The following TAF1B variants were observed in gnomAD, a reference collection of about 807,000 sequenced individuals.
TAF1B encodes TATA box-binding protein-associated factor RNA polymerase I subunit B.
TAF1B carries 61 observed loss-of-function variants against 83.9 expected under a neutral mutation model. The ratio of observed to expected loss-of-function variants is 0.73; its 90% CI spans 0.59 to 0.90. TAF1B has a LOEUF of 0.90. Ranked by LOEUF, TAF1B falls within the 40% of genes least tolerant of loss-of-function variation. The pLI is 0.00. For missense variants in TAF1B, 625 were observed against 677.0 expected (o/e 0.92, Z 0.85); for synonymous variants, 221 against 224.6 (o/e 0.98, Z 0.14).
At chr2:9,922,562 A>G (rs923443718) in intron 14 of TAF1B, among the ~76,000 whole-genome samples, 2 of 151,624 alleles carry the variant, frequency 1.3e-5, no homozygotes, top group African/African-American at 2.4e-5. Context: ...CATTCCCCCA[A>G]CACCCCTCAT....
intron 14 of TAF1B, among the ~76,000 whole-genome samples, chr2:9,925,835 A>G (rs538486005): frequency 6.6e-6 from 1 of 152,244 alleles, no homozygotes; most frequent in Non-Finnish European, 1.5e-5. Context: ...TCGGCCTCCC[A>G]AAGTGTTGGG....
chr2:9,888,038 T>C (rs1486696128), intron 8 of TAF1B, among the ~76,000 whole-genome samples: 3 of 152,252 alleles, frequency 2.0e-5, no homozygotes, highest in South Asian at 2.1e-4. Flanking sequence ...AAATTTTTTT[T>C]AGAGACGTGG....
chr2:9,846,427 A>G (rs1351421684), intron 2 of TAF1B, among the ~76,000 whole-genome samples: 3 of 152,190 alleles, frequency 2.0e-5, no homozygotes, highest in African/African-American at 4.8e-5. Flanking sequence ...GATTTCCTCA[A>G]AGTCTACAGA....
At chr2:9,933,286 T>C (rs1034290886) in intron 14 of TAF1B, among the ~76,000 whole-genome samples, 30 of 152,354 alleles carry the variant, frequency 2.0e-4, no homozygotes, top group African/African-American at 7.2e-4. Flanking sequence ...AGCCATCTTG[T>C]AACGGAAGGC....
chr2:9,846,860 G>A (rs182143601), intron 2 of TAF1B, among the ~76,000 whole-genome samples: 3 of 152,316 alleles, frequency 2.0e-5, no homozygotes, highest in Admixed American at 2.0e-4. Flanking sequence ...GTCTGTGTGT[G>A]TCAGATTGTG....
intron 6 of TAF1B, among the ~76,000 whole-genome samples, chr2:9,870,040 A>G (rs1664117212): frequency 1.3e-5 from 2 of 152,146 alleles, no homozygotes; most frequent in Non-Finnish European, 1.5e-5. Flanking sequence ...GAAAGAATTT[A>G]TTTTGTTTTT....
At chr2:9,903,336 C>T (rs566115049) in intron 8 of TAF1B, among the ~76,000 whole-genome samples, 7 of 152,260 alleles carry the variant, frequency 4.6e-5, no homozygotes, top group African/African-American at 9.6e-5. Flanking sequence ...CCGCCCGGCT[C>T]GGCCTCCCAA....
At chr2:9,883,169 G>A (rs566587872) in intron 8 of TAF1B, among the ~76,000 whole-genome samples, 1 of 152,254 alleles carries the variant, frequency 6.6e-6, no homozygotes, top group East Asian at 1.9e-4. Flanking sequence ...ATGGAAGAAA[G>A]AGAAGAAAGT....
chr2:9,906,960 C>G (rs1294135842), intron 9 of TAF1B, among the ~76,000 whole-genome samples: 1 of 152,176 alleles, frequency 6.6e-6, no homozygotes, highest in Non-Finnish European at 1.5e-5. Flanking sequence ...TTATTACAAC[C>G]TTGAACTCCT....
intron 12 of TAF1B, among the ~76,000 whole-genome samples, chr2:9,915,753 T>C (rs1160043129): frequency 6.6e-6 from 1 of 152,226 alleles, no homozygotes; most frequent in Non-Finnish European, 1.5e-5. Flanking sequence ...TTTACCCTAA[T>C]GAAATGAAAA....
At chr2:9,889,945 C>G (rs1258934337) in intron 8 of TAF1B, among the ~76,000 whole-genome samples, 1 of 152,124 alleles carries the variant, frequency 6.6e-6, no homozygotes, top group African/African-American at 2.4e-5. Context: ...ATTTTTTTCC[C>G]TGGCCTCAGA....
chr2:9,901,015 T>C (rs889656432), intron 8 of TAF1B, among the ~76,000 whole-genome samples: 8 of 152,222 alleles, frequency 5.3e-5, no homozygotes, highest in African/African-American at 1.7e-4. Flanking sequence ...TCTTTTAGTA[T>C]AGAATTTTAT....
Position 9,865,048 on chromosome 2 carries a change from C to T in TAF1B, c.400-3228C>T, listed in dbSNP as rs549527565. ...CTGGCACAAGACAGGGATGCCCTCT[C>T]TCACCACTCCTATTGAACATAGTGT... On this transcript the variant is annotated intron_variant, in intron 5 of 14. Coordinates refer to ENST00000263663, the MANE Select transcript of TAF1B (RefSeq NM_005680.3). 6.0e-3 allele frequency among the ~76,000 whole-genome samples: 908 copies of T among 152,276 alleles called. 3 individuals carry two copies. The highest frequency in any genetic ancestry group is 0.01 in the Middle Eastern group (3 of 294).
intron 8 of TAF1B, among the ~76,000 whole-genome samples, chr2:9,895,250 A>C (rs1055513918): frequency 1.4e-4 from 22 of 152,276 alleles, no homozygotes; most frequent in Admixed American, 1.3e-3. Flanking sequence ...CTGTAATCCC[A>C]GCACTTTGGG....
At chr2:9,860,260 C>G (rs1307934321) in intron 5 of TAF1B, among the ~76,000 whole-genome samples, 1 of 152,100 alleles carries the variant, frequency 6.6e-6, no homozygotes, top group Non-Finnish European at 1.5e-5. Context: ...TTCAAGCATG[C>G]AGTTAGATGT....
intron 8 of TAF1B, among the ~76,000 whole-genome samples, chr2:9,891,915 G>A (rs1664884931): frequency 1.3e-5 from 2 of 152,154 alleles, no homozygotes; most frequent in South Asian, 4.1e-4. Flanking sequence ...AAAAGATGCA[G>A]TAAGCTAAGG....
At chr2:9,856,835 T>G (rs1663581091) in intron 5 of TAF1B, among the ~76,000 whole-genome samples, 1 of 152,240 alleles carries the variant, frequency 6.6e-6, no homozygotes, top group African/African-American at 2.4e-5. Flanking sequence ...AGGTAATTTC[T>G]ACTTCAAGAG....
At chr2:9,858,568 G>C (rs188247009) in intron 5 of TAF1B, among the ~76,000 whole-genome samples, 1 of 152,380 alleles carries the variant, frequency 6.6e-6, no homozygotes, top group African/African-American at 2.4e-5. Context: ...CCCTAGAAGA[G>C]GTTCTCTATG....
intron 3 of TAF1B, among the ~76,000 whole-genome samples, chr2:9,850,016 T>A (rs375270276): frequency 1.0e-3 from 44 of 42,080 alleles, no homozygotes; most frequent in South Asian, 7.1e-3. Context: ...CATTAAAAAA[T>A]ATATATATAT....
Sources: gnomAD v4.1 joint callset for allele counts (sites outside exome capture counted in the v4.1 genomes callset) on GRCh38, gnomAD v4.1.1 for gene constraint, MANE v1.5 for transcripts, NCBI Gene and HGNC (gene_info 2026-07-23, HGNC 2026-07-21) for gene names.